Variants in HIRA observed in about 807,000 individuals in gnomAD.
The protein encoded by HIRA is protein HIRA.
In HIRA, 13 loss-of-function variants were observed where a neutral mutation model predicts 126.6. That is an observed-to-expected ratio of 0.10 (90% confidence interval 0.07 to 0.16). The LOEUF (loss-of-function observed/expected upper bound fraction) is 0.16. Ranked by LOEUF, HIRA falls within the 10% of genes least tolerant of loss-of-function variation. HIRA has a pLI of 1.00. For synonymous variants in HIRA, 511 were observed against 520.0 expected, an observed-to-expected ratio of 0.98 and a Z score of 0.24; for missense variants, 834 against 1,314.4, an observed-to-expected ratio of 0.63 and a Z score of 5.65.
rs370595702 is a variant in HIRA at position 19,359,325 on chromosome 22, C to T, written c.2234+11G>A. 26 of 1,558,176 alleles carry T rather than the reference C, an allele frequency of 1.7e-5. No homozygotes were observed. The African/African-American group carries it at 2.9e-4, about 17-fold the overall frequency. ...GTCACCTGGGCCGGCTAAGGACCTGCCCACCCTTACCAGCTGCCCGCAGCA... is the reference window on the plus strand; with the variant it reads ...GTCACCTGGGCCGGCTAAGGACCTGTCCACCCTTACCAGCTGCCCGCAGCA... On this transcript the variant is annotated intron_variant, in intron 18 of 24. Coordinates refer to ENST00000263208, the MANE Select transcript of HIRA (RefSeq NM_003325.4).
At chr22:19,332,617 G>A (rs528198339) in intron 24 of HIRA, among the ~76,000 whole-genome samples, 32 of 151,030 alleles carry the variant, frequency 2.1e-4, no homozygotes, top group Non-Finnish European at 2.7e-4. Flanking sequence ...ACTTGCAAGA[G>A]AATGGTAAAA....
intron 19 of HIRA, among the ~76,000 whole-genome samples, chr22:19,356,589 A>G (rs1556012603): frequency 6.6e-6 from 1 of 152,226 alleles, no homozygotes. Context: ...TCTGCCAGCT[A>G]AGACTCCATT....
chr22:19,378,162 G>C (rs1049003785), intron 13 of HIRA, 96 bp from the exon 14 acceptor site: 2 of 864,268 alleles, frequency 2.3e-6, no homozygotes, highest in Non-Finnish European at 3.3e-6. Context: ...TCCAAAGGCA[G>C]TATGTTTTCA....
chr22:19,375,523 CTT>C lies in HIRA; in HGVS notation c.1775+106_1775+107del. The C allele has an allele frequency of 4.9e-6, 6 of 1,215,972 alleles. No individual in the cohort carries two copies. The South Asian group carries it at 8.4e-5, about 17-fold the overall frequency. The allele number at this position is 1,215,972 out of a possible 1,614,324, so 75.3% of individuals were successfully genotyped here. A position where few individuals can be genotyped will look rare whatever the true frequency, so the allele number is the denominator to read the frequency against. ...CTCCCATGTATTGAGTGGCTAGAGT[CTT>C]TTCCCCAACAGGAAGGCAGGTTGCT... On this transcript the variant is annotated intron_variant, in intron 15 of 24. Coordinates refer to ENST00000263208, the MANE Select transcript of HIRA (RefSeq NM_003325.4).
intron 14 of HIRA, among the ~76,000 whole-genome samples, chr22:19,376,390 TC>T (rs1377382607): frequency 6.6e-6 from 1 of 152,120 alleles, no homozygotes; most frequent in African/African-American, 2.4e-5. Context: ...ATCCTTCATG[TC>T]CAAGCCCACA....
chr22:19,354,028 T>C lies in HIRA; in HGVS notation c.2652A>G (p.Gly884=), dbSNP rs1556011755. The change falls in exon 22 of 25, where the codon GGA becomes GGG. Residue 884 remains glycine (G), a synonymous_variant. Coordinates refer to ENST00000263208, the MANE Select transcript of HIRA (RefSeq NM_003325.4). Reference sequence around the variant, plus strand: ...TGCGGCCCTGGATTATGGCTAACGGTCCTGAGCACAGCATGGCGTCCTGGG... The same window carrying C: ...TGCGGCCCTGGATTATGGCTAACGGCCCTGAGCACAGCATGGCGTCCTGGG... ...LPSQDAMLCS[G]PLAIIQGRTS... is the part of the protein sequence containing the mutation. 6.2e-7 allele frequency: 1 copy of C among 1,613,444 alleles called. No individual in the cohort carries two copies. The highest frequency in any genetic ancestry group is 1.1e-5 in the South Asian group (1 of 90,834).
chr22:19,358,133 G>C (rs1407660217), intron 18 of HIRA, among the ~76,000 whole-genome samples: 1 of 152,120 alleles, frequency 6.6e-6, no homozygotes, highest in Non-Finnish European at 1.5e-5. Flanking sequence ...CCGAGTAGCT[G>C]GGATTACAGG....
At position 19,431,560 on chromosome 22, in the gene HIRA, C is replaced by T. The variant is rs1158808889; in HGVS notation, c.-84G>A. 44 of 1,011,266 alleles carry T rather than the reference C, an allele frequency of 4.4e-5. 1 individual carries two copies. The highest frequency in any genetic ancestry group is 5.1e-5 in the Non-Finnish European group (43 of 845,696). 62.6% of individuals were successfully genotyped at this position (1,011,266 alleles called of 1,614,324 possible). On this transcript the variant is annotated 5_prime_UTR_variant, in exon 1 of 25. Coordinates refer to ENST00000263208, the MANE Select transcript of HIRA (RefSeq NM_003325.4). ...GCCATGGAGCCACCGCCGCCGCTTC[C>T]TCCCGCGCCACCCGCCCTCCGGCCG...
At chr22:19,334,225 T>C (rs1000115528) in intron 24 of HIRA, among the ~76,000 whole-genome samples, 2 of 151,688 alleles carry the variant, frequency 1.3e-5, no homozygotes, top group South Asian at 4.2e-4. Context: ...TCCGCCCGCC[T>C]TGGCCTCCCA....
chr22:19,416,397 C>G (rs1366023932), intron 1 of HIRA, among the ~76,000 whole-genome samples: 1 of 151,978 alleles, frequency 6.6e-6, no homozygotes. Context: ...GATCTTGGCC[C>G]ACTGCAGCCT....
intron 1 of HIRA, among the ~76,000 whole-genome samples, chr22:19,426,956 G>A (rs1416257229): frequency 2.6e-5 from 4 of 152,142 alleles, no homozygotes; most frequent in African/African-American, 9.7e-5. Context: ...TAAGCAGCAG[G>A]GCACAGAGAC....
At chr22:19,375,927 C>A in intron 14 of HIRA, 135 bp from the exon 15 acceptor site, 3 of 904,128 alleles carry the variant, frequency 3.3e-6, no homozygotes, top group Non-Finnish European at 5.0e-6. Context: ...TGTCAAGATA[C>A]AATCTACTAC....
chr22:19,399,894 G>T (rs1237030318), intron 5 of HIRA, among the ~76,000 whole-genome samples: 1 of 152,184 alleles, frequency 6.6e-6, no homozygotes, highest in African/African-American at 2.4e-5. Context: ...GTTTCGGGCA[G>T]TGGGTCTAAC....
At chr22:19,388,611 C>G in intron 9 of HIRA, 57 bp from the exon 10 acceptor site, 1 of 1,422,614 alleles carries the variant, frequency 7.0e-7, no homozygotes, top group Non-Finnish European at 9.9e-7. Flanking sequence ...CTTCTGTATT[C>G]AGCTCAGTTA....
chr22:19,337,248 A>T (rs983708284), intron 24 of HIRA, among the ~76,000 whole-genome samples: 11 of 152,038 alleles, frequency 7.2e-5, no homozygotes, highest in Admixed American at 2.6e-4. Flanking sequence ...AAGAAATTTT[A>T]AAAAATATAT....
intron 15 of HIRA, among the ~76,000 whole-genome samples, chr22:19,365,221 A>C (rs1400947952): frequency 6.6e-6 from 1 of 152,240 alleles, no homozygotes; most frequent in East Asian, 1.9e-4. Flanking sequence ...CTAATGTAGA[A>C]GTTGCAGCAA....
chr22:19,419,996 T>C (rs879804525), intron 1 of HIRA, among the ~76,000 whole-genome samples: 7 of 151,950 alleles, frequency 4.6e-5, no homozygotes, highest in African/African-American at 7.2e-5. Flanking sequence ...GCCTAAGAGA[T>C]TGAAAACATA....
At chr22:19,400,396 G>A (rs2089258187) in intron 5 of HIRA, among the ~76,000 whole-genome samples, 1 of 152,138 alleles carries the variant, frequency 6.6e-6, no homozygotes, top group Non-Finnish European at 1.5e-5. Context: ...AATCCATTTT[G>A]ATAAGCGATG....
In HIRA at chr22:19,392,352, C is replaced by A. The variant is rs1032603702; in HGVS notation, c.823-138G>T. ...GCACTGAGCATGCATTTCATCTTCC[C>A]GACCACCTATGAGGCATCTGGCTGA... On this transcript the variant is annotated intron_variant, in intron 8 of 24. Transcript: ENST00000263208. 2.0e-5 allele frequency: 11 copies of A among 548,926 alleles called. No individual in the cohort carries two copies. The East Asian group carries it at 3.2e-4, about 16-fold the overall frequency. 34.0% of individuals were successfully genotyped at this position (548,926 alleles called of 1,614,324 possible). A position where few individuals can be genotyped will look rare whatever the true frequency, so the allele number is the denominator to read the frequency against.
Sources: allele counts gnomAD v4.1 joint callset (sites outside exome capture counted in the v4.1 genomes callset), GRCh38; gene constraint gnomAD v4.1.1; transcripts MANE v1.5; gene names NCBI Gene and HGNC (gene_info 2026-07-23, HGNC 2026-07-21).